Variants in PAPPA2 observed in about 807,000 individuals in gnomAD.
PAPPA2 encodes the protein pappalysin 2, also known as pappalysin-2.
In PAPPA2, 86 loss-of-function variants were observed where a neutral mutation model predicts 176.4. That is an observed-to-expected ratio of 0.49 (90% CI 0.41 to 0.58). PAPPA2 has a LOEUF of 0.58. Among genes scored for constraint, PAPPA2 ranks in the 20% least tolerant of loss-of-function variants. PAPPA2 has a pLI of 0.00. For missense variants in PAPPA2, 2,073 were observed against 2,256.9 expected (o/e 0.92, Z 1.65); for synonymous variants, 809 against 852.2 (o/e 0.95, Z 0.88).
intron 14 of PAPPA2, among the ~76,000 whole-genome samples, chr1:176,745,074 ATCAG>A (rs1269577997): frequency 6.6e-6 from 1 of 152,166 alleles, no homozygotes; most frequent in African/African-American, 2.4e-5. Context: ...TGTGCTAGTT[ATCAG>A]TCAATTTGTT....
intron 21 of PAPPA2, among the ~76,000 whole-genome samples, chr1:176,812,837 A>G (rs1228356885): frequency 6.6e-6 from 1 of 151,966 alleles, no homozygotes; most frequent in Non-Finnish European, 1.5e-5. Context: ...GGTTTGTTAC[A>G]TAGGTGAACA....
chr1:176,687,992 C>T (rs1292850936), intron 4 of PAPPA2, among the ~76,000 whole-genome samples: 1 of 152,174 alleles, frequency 6.6e-6, no homozygotes, highest in Non-Finnish European at 1.5e-5. Flanking sequence ...TATTTAACCA[C>T]AGATGCCACT....
intron 1 of PAPPA2, among the ~76,000 whole-genome samples, chr1:176,515,994 G>T (rs1444600035): frequency 6.6e-6 from 1 of 152,150 alleles, no homozygotes; most frequent in Admixed American, 6.5e-5. Flanking sequence ...ACTAAAAGTG[G>T]TGGAGTAAAC....
At chr1:176,770,395 A>G (rs755334366) in intron 16 of PAPPA2, among the ~76,000 whole-genome samples, 4 of 152,196 alleles carry the variant, frequency 2.6e-5, no homozygotes, top group Non-Finnish European at 5.9e-5. Flanking sequence ...GGCATATGGT[A>G]TAGTGTTTAA....
chr1:176,824,875 T>C (rs1290727851), intron 21 of PAPPA2, among the ~76,000 whole-genome samples: 1 of 152,216 alleles, frequency 6.6e-6, no homozygotes, highest in East Asian at 1.9e-4. Flanking sequence ...ATGTCTGAAA[T>C]GCTGTTAGGG....
chr1:176,752,698 TG>T (rs1264017053), intron 14 of PAPPA2, among the ~76,000 whole-genome samples: 1 of 152,190 alleles, frequency 6.6e-6, no homozygotes, highest in Non-Finnish European at 1.5e-5. Context: ...TAAATAATCC[TG>T]GTAGAAAAAT....
At chr1:176,746,160 A>G (rs1338249288) in intron 14 of PAPPA2, among the ~76,000 whole-genome samples, 3 of 152,206 alleles carry the variant, frequency 2.0e-5, no homozygotes, top group Non-Finnish European at 4.4e-5. Flanking sequence ...TCATCCTGCA[A>G]TGTCTCTCCA....
rs748955695 is a variant in PAPPA2, at chr1:176,702,740, GTATT to G, written c.3365+7_3365+10del. On this transcript the variant is annotated splice_donor_region_variant and intron_variant, in intron 9 of 22. Coordinates refer to ENST00000367662, the MANE Select transcript of PAPPA2 (RefSeq NM_020318.3). ...TGGAGATGGGAAGGTGTCAGAGTGA[GTATT>G]TTGTGTGTGTGTGTGTGTGTGTGTG... The G allele has an allele frequency of 2.0e-6, 3 of 1,520,648 alleles. No homozygotes were observed. Among genetic ancestry groups the G allele is most frequent in the Admixed American group, 1.7e-5 (1 of 57,494 alleles). The allele number at this position is 1,520,648 out of a possible 1,614,324, so 94.2% of individuals were successfully genotyped here. A position where few individuals can be genotyped will look rare whatever the true frequency, so the allele number is the denominator to read the frequency against.
At chr1:176,544,862 T>G (rs1650546688) in intron 1 of PAPPA2, among the ~76,000 whole-genome samples, 1 of 152,144 alleles carries the variant, frequency 6.6e-6, no homozygotes, top group South Asian at 2.1e-4. Context: ...AGATTATTAC[T>G]AGATTCCTGG....
chr1:176,469,109 C>T (rs1651760174), intron 1 of PAPPA2, among the ~76,000 whole-genome samples: 1 of 152,146 alleles, frequency 6.6e-6, no homozygotes, highest in South Asian at 2.1e-4. Flanking sequence ...TGGTGGCAGC[C>T]AACGTGAAAG....
In PAPPA2 at chr1:176,548,889, T is replaced by G. The variant is rs981487557; in HGVS notation, c.-916-6518T>G. Among the ~76,000 whole-genome samples the G allele has an allele frequency of 3.9e-5, 6 of 152,072 alleles. No individual in the cohort carries two copies. In the East Asian group the frequency reaches 1.2e-3, roughly 29 times the overall value. ...CTCACTCAAGACATGAAAAGTCTGG[T>G]TTTTTCATGCTGGGAGTCAAATCAT... is the stretch of plus-strand genomic sequence containing the variant. On this transcript the variant is annotated intron_variant, in intron 1 of 22. Coordinates refer to ENST00000367662, the MANE Select transcript of PAPPA2 (RefSeq NM_020318.3).
At chr1:176,623,758 CCTTT>C (rs71129580) in intron 3 of PAPPA2, among the ~76,000 whole-genome samples, 1,665 of 59,040 alleles carry the variant, frequency 0.028, 43 homozygotes, top group Middle Eastern at 0.067. Flanking sequence ...TTCCTTCCTT[CCTTT>C]CTTTCTTTCT....
At chr1:176,508,466 T>C (rs908814380) in intron 1 of PAPPA2, among the ~76,000 whole-genome samples, 14 of 151,648 alleles carry the variant, frequency 9.2e-5, no homozygotes, top group African/African-American at 2.4e-4. Context: ...AAATAAAATA[T>C]CTTGAATGAA....
At chr1:176,559,811 C>A (rs1651553964) in intron 2 of PAPPA2, among the ~76,000 whole-genome samples, 1 of 152,218 alleles carries the variant, frequency 6.6e-6, no homozygotes, top group Non-Finnish European at 1.5e-5. Flanking sequence ...CTTTTTTCAA[C>A]AGCTCTCAAA....
intron 3 of PAPPA2, chr1:176,616,260 C>T: frequency 2.1e-6 from 1 of 476,306 alleles, no homozygotes; most frequent in East Asian, 4.9e-5. Flanking sequence ...GCATTAGGCA[C>T]CCCAGTTTTA....
chr1:176,623,378 T>C (rs1211967440), intron 3 of PAPPA2, among the ~76,000 whole-genome samples: 2 of 152,174 alleles, frequency 1.3e-5, no homozygotes, highest in African/African-American at 2.4e-5. Context: ...ACATGGCTCA[T>C]TGGGAAGTAA....
At chr1:176,683,896 C>G (rs1486257754) in intron 4 of PAPPA2, among the ~76,000 whole-genome samples, 1 of 152,130 alleles carries the variant, frequency 6.6e-6, no homozygotes, top group Non-Finnish European at 1.5e-5. Context: ...AAGGTACAAT[C>G]AACTTTATTG....
At chr1:176,777,312 A>G (rs578178108) in intron 17 of PAPPA2, among the ~76,000 whole-genome samples, 2 of 152,270 alleles carry the variant, frequency 1.3e-5, no homozygotes, top group South Asian at 4.1e-4. Flanking sequence ...CTGTTAGAGT[A>G]ATACTTGGTG....
chr1:176,473,413 C>T (rs1651974719), intron 1 of PAPPA2, among the ~76,000 whole-genome samples: 1 of 152,004 alleles, frequency 6.6e-6, no homozygotes, highest in East Asian at 1.9e-4. Context: ...CTGGATTTAT[C>T]ATAGTTTATT....
Sources: allele counts gnomAD v4.1 joint callset (sites outside exome capture counted in the v4.1 genomes callset), GRCh38; gene constraint gnomAD v4.1.1; transcripts MANE v1.5; gene names NCBI Gene and HGNC (gene_info 2026-07-23, HGNC 2026-07-21).